NXN: variants seen among roughly 807,000 people sequenced by gnomAD.
The protein encoded by NXN is nucleoredoxin.
A neutral mutation model predicts 48.6 loss-of-function variants in NXN; 16 were observed. That is an observed-to-expected ratio of 0.33 (90% CI 0.22 to 0.50). NXN has a LOEUF of 0.50. Among genes scored for constraint, NXN ranks in the 20% least tolerant of loss-of-function variants. The probability of loss-of-function intolerance (pLI) is 0.98; values close to 1 mark genes in which losing one functional copy is unlikely to be tolerated. For missense variants in NXN, 492 were observed against 605.5 expected (o/e 0.81, Z 1.97); for synonymous variants, 281 against 269.6 (o/e 1.04, Z -0.41).
At chr17:811,373 G>A (rs1032177849) in intron 5 of NXN, among the ~76,000 whole-genome samples, 26 of 152,238 alleles carry the variant, frequency 1.7e-4, no homozygotes, top group African/African-American at 6.3e-4. Context: ...GTGCTCCCTG[G>A]CAGCCGAGGA....
intron 1 of NXN, among the ~76,000 whole-genome samples, chr17:882,518 T>A (rs1286707628): frequency 2.0e-5 from 3 of 152,192 alleles, no homozygotes; most frequent in Non-Finnish European, 4.4e-5. Flanking sequence ...CAGGCTGGAG[T>A]GCAGTGGCGC....
chr17:851,316 C>T (rs1422248769), intron 1 of NXN, among the ~76,000 whole-genome samples: 1 of 152,264 alleles, frequency 6.6e-6, no homozygotes, highest in Non-Finnish European at 1.5e-5. Context: ...CAAAAGACAG[C>T]GCAAGCCTCT....
intron 1 of NXN, among the ~76,000 whole-genome samples, chr17:955,746 A>C (rs1455723871): frequency 6.6e-6 from 1 of 151,350 alleles, no homozygotes; most frequent in Admixed American, 6.6e-5. Flanking sequence ...AAAAAATACA[A>C]AAAAAATTAG....
rs571667623 is a variant in NXN at position 917,958 on chromosome 17, C to A, written c.360+61361G>T. On this transcript the variant is annotated intron_variant, in intron 1 of 7. Coordinates refer to ENST00000336868, the MANE Select transcript of NXN (RefSeq NM_022463.5). This position sits in a 1 kb window ranked among gnomAD's most constrained non-coding sequence, Gnocchi z 4.5. Reference sequence around the variant, plus strand: ...ATAATAATAAAATGTTTACTGAGCTCGTACTTTATGGAAGACACATGGCTC... The same window carrying A: ...ATAATAATAAAATGTTTACTGAGCTAGTACTTTATGGAAGACACATGGCTC... Among the ~76,000 whole-genome samples the A allele has an allele frequency of 1.3e-5, 2 of 152,158 alleles. No individual in the cohort carries two copies. Among genetic ancestry groups the A allele is most frequent in the Non-Finnish European group, 2.9e-5 (2 of 68,024 alleles).
intron 1 of NXN, among the ~76,000 whole-genome samples, chr17:943,782 G>A (rs950047675): frequency 4.6e-5 from 7 of 151,646 alleles, no homozygotes; most frequent in South Asian, 2.1e-4. Context: ...CCGAGATCGC[G>A]CCACTGCACT....
intron 1 of NXN, chr17:863,750 T>C: frequency 1.7e-6 from 1 of 591,862 alleles, no homozygotes; most frequent in East Asian, 2.9e-5. Flanking sequence ...GGTGTGAGCC[T>C]CTGCACCTGG....
chr17:962,053 T>C (rs903028763), intron 1 of NXN, among the ~76,000 whole-genome samples: 17 of 152,134 alleles, frequency 1.1e-4, no homozygotes, highest in Non-Finnish European at 2.4e-4. Context: ...GAGAATCACT[T>C]GAACCCGGGA....
At chr17:964,839 C>T (rs2069283205) in intron 1 of NXN, among the ~76,000 whole-genome samples, 1 of 152,226 alleles carries the variant, frequency 6.6e-6, no homozygotes, top group Non-Finnish European at 1.5e-5. Flanking sequence ...TAGTGACTGT[C>T]TATGGATAAT....
rs200148704 is a variant in NXN, at chr17:825,954, G to A, written c.478+7C>T. The A allele has an allele frequency of 2.3e-4, 372 of 1,591,626 alleles. 1 individual carries two copies. The East Asian group carries it at 7.2e-3, about 31-fold the overall frequency. On this transcript the variant is annotated splice_region_variant and intron_variant, in intron 2 of 7. Coordinates refer to ENST00000336868, the MANE Select transcript of NXN (RefSeq NM_022463.5). The surrounding 1 kb of genome is among the most constrained non-coding windows in gnomAD (Gnocchi z 4.1). The stretch of plus-strand genomic sequence containing the variant: ...AAGAGGACCATATGCACGGGCTGAG[G>A]TTTTACCTTCTGGGTCATCTCGGAT...
Position 909,395 on chromosome 17 carries a change from C to T in NXN, c.360+69924G>A, listed in dbSNP as rs548376558. Reference sequence around the variant, plus strand: ...AATAGCGTTCCCTTAGAATAAAGTCCAGTGTAACATTTGGACAGACCTGCA... The same window carrying T: ...AATAGCGTTCCCTTAGAATAAAGTCTAGTGTAACATTTGGACAGACCTGCA... On this transcript the variant is annotated intron_variant, in intron 1 of 7. Transcript: ENST00000336868. Among the ~76,000 whole-genome samples, 5 of 152,200 alleles carry T rather than the reference C, an allele frequency of 3.3e-5. No individual in the cohort carries two copies. The South Asian group carries it at 8.3e-4, about 25-fold the overall frequency.
chr17:868,537 G>A (rs762283862), intron 1 of NXN, among the ~76,000 whole-genome samples: 1 of 152,268 alleles, frequency 6.6e-6, no homozygotes, highest in Admixed American at 6.5e-5. Context: ...TGTCGCCCAG[G>A]CTGGAGTGCA....
At position 823,689 on chromosome 17, in the gene NXN, A is replaced by G; in HGVS notation, c.555T>C (p.Ser185=). 6.2e-7 allele frequency: 1 copy of G among 1,614,136 alleles called. No homozygotes were observed. Among genetic ancestry groups the G allele is most frequent in the Non-Finnish European group, 8.5e-7 (1 of 1,180,028 alleles). The part of the protein sequence containing the change: ...AGPLLRNNGQ[S]LESSSLEGSH... ...ACCCCTCCAGGCTGCTGCTCTCCAG[A>G]GACTGCCCATTGTTTCTAAGCAAGG... The change falls in exon 3 of 8, where the codon TCT becomes TCC. Residue 185 remains serine (S), a synonymous_variant. Coordinates refer to ENST00000336868, the MANE Select transcript of NXN (RefSeq NM_022463.5).
At chr17:943,665 T>C (rs913628134) in intron 1 of NXN, among the ~76,000 whole-genome samples, 4 of 151,054 alleles carry the variant, frequency 2.6e-5, no homozygotes, top group Non-Finnish European at 5.9e-5. Flanking sequence ...GTACTAAAAA[T>C]ATAAAAATTA....
At position 854,479 on chromosome 17, in the gene NXN, T is replaced by C. The variant is rs181476204; in HGVS notation, c.361-28401A>G. 4.3e-4 allele frequency among the ~76,000 whole-genome samples: 64 copies of C among 148,930 alleles called. 1 individual carries two copies. The East Asian group carries it at 0.012, about 29-fold the overall frequency. On this transcript the variant is annotated intron_variant, in intron 1 of 7. Transcript: ENST00000336868. ...CTGGCTAACACGGTGAAACCCTGTC[T>C]CTACTAAAAAAAAAAAATACAAAAA...
At chr17:918,874 A>C (rs1265647925) in intron 1 of NXN, among the ~76,000 whole-genome samples, 1 of 151,414 alleles carries the variant, frequency 6.6e-6, no homozygotes, top group Non-Finnish European at 1.5e-5. Context: ...AAGTAAGTTA[A>C]ACTACGTTTC....
At chr17:896,543 TC>T (rs1289198829) in intron 1 of NXN, among the ~76,000 whole-genome samples, 1 of 152,152 alleles carries the variant, frequency 6.6e-6, no homozygotes, top group Non-Finnish European at 1.5e-5. Flanking sequence ...GTAGAACTAT[TC>T]CCGTACCTCT....
intron 1 of NXN, among the ~76,000 whole-genome samples, chr17:852,842 A>T (rs535695238): frequency 1.3e-5 from 2 of 152,108 alleles, no homozygotes; most frequent in Non-Finnish European, 2.9e-5. Context: ...TTAATGCAGC[A>T]TTTCCTCAGG....
At position 958,958 on chromosome 17, in the gene NXN, C is replaced by CACACACAT. The variant is rs1567519830; in HGVS notation, c.360+20360_360+20361insATGTGTGT. The CACACACAT allele has an allele frequency of 1.2e-5, 2 of 160,852 alleles. No homozygotes were observed. Among genetic ancestry groups the CACACACAT allele is most frequent in the Non-Finnish European group, 2.7e-5 (2 of 73,730 alleles). 10.0% of individuals were successfully genotyped at this position (160,852 alleles called of 1,614,324 possible). On this transcript the variant is annotated intron_variant, in intron 1 of 7. Transcript: ENST00000336868. The surrounding 1 kb of genome is among the most constrained non-coding windows in gnomAD (Gnocchi z 6.9). Reference sequence around the variant, plus strand: ...AAAAAGAAACACACACACACACATACACACACACACACACGATACGAGTTC... The same window carrying CACACACAT: ...AAAAAGAAACACACACACACACATACACACACATACACACACACACACGATACGAGTTC...
At chr17:913,463 C>G (rs1274047409) in intron 1 of NXN, among the ~76,000 whole-genome samples, 1 of 152,218 alleles carries the variant, frequency 6.6e-6, no homozygotes, top group African/African-American at 2.4e-5. Context: ...ATGTCGGCCC[C>G]TGCCCACAGC....
Sources: gnomAD v4.1 joint callset for allele counts (sites outside exome capture counted in the v4.1 genomes callset) on GRCh38, gnomAD v4.1.1 for gene constraint, Gnocchi (gnomAD v3.1) non-coding constraint, MANE v1.5 for transcripts, NCBI Gene and HGNC (gene_info 2026-07-23, HGNC 2026-07-21) for gene names.